AGFG2: variants seen among roughly 807,000 people sequenced by gnomAD.
AGFG2 encodes the protein arf-GAP domain and FG repeat-containing protein 2.
In AGFG2, 31 loss-of-function variants were observed where a neutral mutation model predicts 48.0. The ratio of observed to expected loss-of-function variants is 0.65; its 90% CI spans 0.49 to 0.87. The LOEUF (loss-of-function observed/expected upper bound fraction) is 0.87. AGFG2 is among the 40% of genes least tolerant of loss of function. The pLI is 0.00. For missense variants in AGFG2, 599 were observed against 632.6 expected (o/e 0.95, Z 0.57); for synonymous variants, 229 against 260.8 (o/e 0.88, Z 1.18).
At chr7:100,552,524 C>T (rs1213516931) in intron 3 of AGFG2, among the ~76,000 whole-genome samples, 3 of 152,354 alleles carry the variant, frequency 2.0e-5, no homozygotes, top group Non-Finnish European at 1.5e-5. Flanking sequence ...TCTCCATTCT[C>T]CCTTACCTTT....
chr7:100,539,370 C>G lies in AGFG2; in HGVS notation c.24C>G (p.Gly8=). The change falls in exon 1 of 12, where the codon GGC becomes GGG. Residue 8 remains glycine (G), a synonymous_variant. Coordinates refer to ENST00000300176, the MANE Select transcript of AGFG2 (RefSeq NM_006076.5). ...CGATGGTGATGGCGGCGAAGAAGGG[C>G]CCGGGCCCGGGCGGCGGGGTCAGCG... MVMAAKK[G]PGPGGGVSGG... 4 of 1,273,116 alleles carry G rather than the reference C, an allele frequency of 3.1e-6. No homozygotes were observed. The South Asian group carries it at 1.1e-4, about 35-fold the overall frequency. The allele number at this position is 1,273,116 out of a possible 1,614,324, so 78.9% of individuals were successfully genotyped here.
At chr7:100,548,640 A>G (rs547363347) in intron 1 of AGFG2, among the ~76,000 whole-genome samples, 182 bp from the exon 2 acceptor site, 5 of 152,210 alleles carry the variant, frequency 3.3e-5, no homozygotes, top group South Asian at 2.1e-4. Flanking sequence ...AATATCTCCA[A>G]AATATTCCAA....
In AGFG2 at chr7:100,562,181, C is replaced by T; in HGVS notation, c.878-78C>T. 2 of 1,548,646 alleles carry T rather than the reference C, an allele frequency of 1.3e-6. No individual in the cohort carries two copies. The highest frequency in any genetic ancestry group is 1.8e-6 in the Non-Finnish European group (2 of 1,140,950). ...CCATGACTCCAATCCATCACCACCA[C>T]CACCTCCATCTGCTCTCCTGCCCCT... is the stretch of plus-strand genomic sequence containing the variant. On this transcript the variant is annotated intron_variant, in intron 6 of 11. Transcript: ENST00000300176. This position sits in a 1 kb window ranked among gnomAD's most constrained non-coding sequence, Gnocchi z 5.4.
intron 1 of AGFG2, among the ~76,000 whole-genome samples, chr7:100,543,333 G>T (rs1800458549): frequency 6.6e-6 from 1 of 152,198 alleles, no homozygotes; most frequent in Non-Finnish European, 1.5e-5. Context: ...CCAAAGTGCT[G>T]GGATTACAGG....
chr7:100,553,815 GGGGCAGTATT>G (rs1203293575), intron 4 of AGFG2, among the ~76,000 whole-genome samples: 2 of 152,230 alleles, frequency 1.3e-5, no homozygotes, highest in East Asian at 1.9e-4. Flanking sequence ...AACAGCCCTG[GGGGCAGTATT>G]GGGCAGTATT....
chr7:100,562,275 T>TC lies in AGFG2; in HGVS notation c.896dup (p.Phe300IlefsTer33). ...ACTGCCCAGGGAGCAGCCAGGGGACTCCATTTGGTGCCACTCCCCTGGCAC... is the reference window on the plus strand; with the variant it reads ...ACTGCCCAGGGAGCAGCCAGGGGACTCCCATTTGGTGCCACTCCCCTGGCAC... On this transcript the variant is annotated frameshift_variant, in exon 7 of 12. Transcript: ENST00000300176. LOFTEE classifies it high-confidence loss of function. The surrounding 1 kb of genome is among the most constrained non-coding windows in gnomAD (Gnocchi z 5.4). 1 of 1,613,808 alleles carries TC rather than the reference T, an allele frequency of 6.2e-7. No individual in the cohort carries two copies. Among genetic ancestry groups the TC allele is most frequent in the East Asian group, 2.2e-5 (1 of 44,858 alleles).
intron 1 of AGFG2, among the ~76,000 whole-genome samples, chr7:100,541,216 G>A (rs1204828023): frequency 2.0e-5 from 3 of 152,102 alleles, no homozygotes; most frequent in Non-Finnish European, 4.4e-5. Context: ...TGAGGATTTA[G>A]TTTTCTCAAG....
chr7:100,555,693 C>A lies in AGFG2; in HGVS notation c.835C>A (p.Pro279Thr). The change falls in exon 6 of 12, where the codon CCA (proline) becomes ACA (threonine). Residue 279 changes from proline to threonine, a missense_variant. Transcript: ENST00000300176. ...CTCTTCTGTGTTTGGAAGCCTCCCT[C>A]CAGCTGGTCAAGCCTCGTTCCAGGC... ...PSSSVFGSLP[P>T]AGQASFQAQP... 6.2e-7 allele frequency: 1 copy of A among 1,614,172 alleles called. No individual in the cohort carries two copies. Among genetic ancestry groups the A allele is most frequent in the Non-Finnish European group, 8.5e-7 (1 of 1,180,002 alleles).
rs111286083 is a variant in AGFG2, at chr7:100,565,203, G to C, written c.*212G>C. The C allele has an allele frequency of 2.0e-4, 123 of 622,818 alleles. 2 individuals are homozygous for C. Among genetic ancestry groups the C allele is most frequent in the African/African-American group, 1.7e-3 (92 of 54,244 alleles). 38.6% of individuals were successfully genotyped at this position (622,818 alleles called of 1,614,324 possible). Reference sequence around the variant, plus strand: ...CGTCCCACCCCCACCCAGGCAGGAAGCCCAGGAGGAGTGCGGGCAGGGCCT... The same window carrying C: ...CGTCCCACCCCCACCCAGGCAGGAACCCCAGGAGGAGTGCGGGCAGGGCCT... On this transcript the variant is annotated 3_prime_UTR_variant, in exon 12 of 12. Coordinates refer to ENST00000300176, the MANE Select transcript of AGFG2 (RefSeq NM_006076.5).
Position 100,564,938 on chromosome 7 carries a change from C to T in AGFG2, c.1393C>T (p.Pro465Ser), listed in dbSNP as rs757340028. 6.2e-7 allele frequency: 1 copy of T among 1,614,132 alleles called. No homozygotes were observed. The highest frequency in any genetic ancestry group is 8.5e-7 in the Non-Finnish European group (1 of 1,179,960). Residue 465 changes from proline (P) to serine (S), a missense_variant, in exon 12 of 12, where the codon CCC becomes TCC. Pro to Ser is a moderately conservative substitution (Grantham distance 74). Coordinates refer to ENST00000300176, the MANE Select transcript of AGFG2 (RefSeq NM_006076.5). Reference protein sequence around the residue: ...GISTNPFMTGPSSSPFASKPP... With the variant: ...GISTNPFMTGSSSSPFASKPP... The stretch of plus-strand genomic sequence containing the variant: ...TATTGTTCTTTCTTTCCAGACTGGA[C>T]CCTCATCAAGCCCATTCGCCTCCAA...
intron 3 of AGFG2, among the ~76,000 whole-genome samples, chr7:100,551,071 T>TATATATATATATATATATA (rs1491536203): frequency 4.4e-5 from 4 of 90,374 alleles, no homozygotes; most frequent in Non-Finnish European, 6.5e-5. Flanking sequence ...TATATATTTC[T>TATATATATATATATATATA]TTTTTTTTTT....
intron 9 of AGFG2, 77 bp from the exon 10 acceptor site, chr7:100,563,757 T>C: frequency 1.9e-6 from 3 of 1,585,654 alleles, no homozygotes; most frequent in Non-Finnish European, 2.6e-6. Flanking sequence ...TTTCCCATCT[T>C]GGAGGGACTT....
chr7:100,564,817 T>G, intron 11 of AGFG2, 115 bp from the exon 12 acceptor site: 1 of 1,227,096 alleles, frequency 8.1e-7, no homozygotes, highest in Non-Finnish European at 1.2e-6. Context: ...TCTCCCTCAC[T>G]TTCCCACTGC....
intron 5 of AGFG2, among the ~76,000 whole-genome samples, chr7:100,555,261 TG>T (rs1472521206): frequency 1.4e-5 from 2 of 138,148 alleles, no homozygotes; most frequent in African/African-American, 5.4e-5. Context: ...TGTGTGTGTG[TG>T]GTTTTTTTTT....
chr7:100,551,034 A>T (rs1441024198), intron 3 of AGFG2, among the ~76,000 whole-genome samples: 80 of 37,788 alleles, frequency 2.1e-3, no homozygotes, highest in Middle Eastern at 0.016. Flanking sequence ...GCTAATTTAT[A>T]TATATATATA....
rs1389897992 is a variant in AGFG2, at chr7:100,539,300, G to A, written c.-47G>A. 23 of 1,271,564 alleles carry A rather than the reference G, an allele frequency of 1.8e-5. No homozygotes were observed. The highest frequency in any genetic ancestry group is 3.0e-4 in the Middle Eastern group (1 of 3,352). 78.8% of individuals were successfully genotyped at this position (1,271,564 alleles called of 1,614,324 possible). A position where few individuals can be genotyped will look rare whatever the true frequency, so the allele number is the denominator to read the frequency against. ...CGGCTGAGGAGGCGGGAAGGCGGCA[G>A]TGGTTGAAGGGGTGATTGCTGACTA... On this transcript the variant is annotated 5_prime_UTR_variant, in exon 1 of 12. The change creates a new upstream start codon in the 5' untranslated region. Transcript: ENST00000300176.
In AGFG2 at chr7:100,565,213, A is replaced by G; in HGVS notation, c.*222A>G. On this transcript the variant is annotated 3_prime_UTR_variant, in exon 12 of 12. Coordinates refer to ENST00000300176, the MANE Select transcript of AGFG2 (RefSeq NM_006076.5). ...CCACCCAGGCAGGAAGCCCAGGAGG[A>G]GTGCGGGCAGGGCCTGACCTGGAGG... is the stretch of plus-strand genomic sequence containing the variant. 1.6e-6 allele frequency: 1 copy of G among 607,254 alleles called. No individual in the cohort carries two copies. The highest frequency in any genetic ancestry group is 2.9e-6 in the Non-Finnish European group (1 of 342,928). The allele number at this position is 607,254 out of a possible 1,614,324, so 37.6% of individuals were successfully genotyped here. A position where few individuals can be genotyped will look rare whatever the true frequency, so the allele number is the denominator to read the frequency against.
intron 2 of AGFG2, 40 bp downstream of exon 2, chr7:100,548,955 C>A: frequency 6.5e-7 from 1 of 1,529,988 alleles, no homozygotes; most frequent in Non-Finnish European, 9.1e-7. Context: ...GGTCACCTAT[C>A]TGCAGGTGGG....
chr7:100,543,765 G>A (rs902764321), intron 1 of AGFG2, among the ~76,000 whole-genome samples: 9 of 152,180 alleles, frequency 5.9e-5, no homozygotes, highest in Non-Finnish European at 8.8e-5. Context: ...AACCTACAGC[G>A]TTGGTGTGAG....
Sources: gnomAD v4.1 joint callset for allele counts (sites outside exome capture counted in the v4.1 genomes callset) on GRCh38, gnomAD v4.1.1 for gene constraint, Gnocchi (gnomAD v3.1) non-coding constraint, MANE v1.5 for transcripts, NCBI Gene and HGNC (gene_info 2026-07-23, HGNC 2026-07-21) for gene names.